The following RANBP2 variants were observed in gnomAD, a reference collection of about 807,000 sequenced individuals.
RANBP2 encodes the protein RAN binding protein 2, also known as E3 SUMO-protein ligase RanBP2.
RANBP2 carries 57 observed loss-of-function variants against 303.6 expected under a neutral mutation model. The observed-to-expected ratio is 0.19, with a 90% CI of 0.15 to 0.23. The LOEUF is 0.23. Among genes scored for constraint, RANBP2 ranks in the 10% least tolerant of loss-of-function variants. The pLI is 1.00. For synonymous variants in RANBP2, 1,167 were observed against 1,301.5 expected (o/e 0.90, Z 2.23); for missense variants, 3,138 against 3,780.8 (o/e 0.83, Z 4.46).
chr2:108,745,897 T>C (rs1371477341), intron 7 of RANBP2, among the ~76,000 whole-genome samples: 1 of 143,652 alleles, frequency 7.0e-6, no homozygotes, highest in African/African-American at 2.8e-5. Context: ...TTGCTCTGTG[T>C]ATGCTTTTTT....
chr2:109,022,113 G>C, the RANBP2 span, among the ~76,000 whole-genome samples: 1 of 152,234 alleles, frequency 6.6e-6, no homozygotes, highest in Admixed American at 6.5e-5. Context: ...TGTGGGTTCC[G>C]CACCTAGGGT....
chr2:108,853,970 A>ATATATAATATATAATATATAATAAATT, the RANBP2 span, among the ~76,000 whole-genome samples: 175 of 106,608 alleles, frequency 1.6e-3, 1 homozygote, highest in South Asian at 9.6e-3. Context: ...ATAATAAAAT[A>ATATATAATATATAATATATAATAAATT]TATATAATAT....
the RANBP2 span, among the ~76,000 whole-genome samples, chr2:109,586,885 G>C: frequency 1.3e-5 from 2 of 152,156 alleles, no homozygotes; most frequent in African/African-American, 4.8e-5. Context: ...TGATCAATGT[G>C]ATCAGTCAGC....
the RANBP2 span, among the ~76,000 whole-genome samples, chr2:109,595,787 T>C: frequency 6.6e-6 from 1 of 152,162 alleles, no homozygotes; most frequent in Non-Finnish European, 1.5e-5. Flanking sequence ...AAATGTCCAT[T>C]TAGAGTCTGA....
At chr2:109,116,798 G>A in the RANBP2 span, among the ~76,000 whole-genome samples, 1 of 152,216 alleles carries the variant, frequency 6.6e-6, no homozygotes, top group Non-Finnish European at 1.5e-5. Flanking sequence ...GTGATGTACA[G>A]ATGGGTTTTT....
chr2:108,970,445 C>T, the RANBP2 span, among the ~76,000 whole-genome samples: 4 of 152,116 alleles, frequency 2.6e-5, no homozygotes, highest in African/African-American at 7.2e-5. Context: ...TGAGGAGGAT[C>T]CTGACATTGC....
chr2:109,194,411 A>C, the RANBP2 span, among the ~76,000 whole-genome samples: 1 of 152,192 alleles, frequency 6.6e-6, no homozygotes, highest in Non-Finnish European at 1.5e-5. Context: ...AACCCCTGCC[A>C]TCCACAGTCT....
At chr2:109,593,490 C>T in the RANBP2 span, among the ~76,000 whole-genome samples, 1 of 148,840 alleles carries the variant, frequency 6.7e-6, no homozygotes. Flanking sequence ...ACTGCAACCT[C>T]CGTCTCCCAG....
chr2:108,729,045 C>T, intron 1 of RANBP2, 87 bp from the exon 2 acceptor site: 1 of 1,433,584 alleles, frequency 7.0e-7, no homozygotes, highest in South Asian at 1.2e-5. Context: ...ATTTGAACAT[C>T]AACTTAGGAC....
chr2:109,326,087 C>T, the RANBP2 span, among the ~76,000 whole-genome samples: 1 of 152,220 alleles, frequency 6.6e-6, no homozygotes, highest in Non-Finnish European at 1.5e-5. Flanking sequence ...ACATTTTCTC[C>T]ACCATGGTAA....
the RANBP2 span, chr2:109,503,807 G>A: frequency 6.6e-6 from 1 of 152,180 alleles, no homozygotes; most frequent in East Asian, 1.9e-4. Flanking sequence ...CCCAGGCATG[G>A]CCCACGTGGT....
At chr2:109,626,362 G>A in the RANBP2 span, among the ~76,000 whole-genome samples, 5 of 152,174 alleles carry the variant, frequency 3.3e-5, no homozygotes, top group South Asian at 1.0e-3. Context: ...CCAGCTACTC[G>A]GGAGGATGAG....
chr2:109,686,176 A>G, the RANBP2 span, among the ~76,000 whole-genome samples: 149,164 of 152,178 alleles, frequency 0.98, 73,185 homozygotes, highest in Middle Eastern at 1. Flanking sequence ...GCTGGGAGAA[A>G]GGTGGGGAGG....
chr2:109,034,937 G>C, the RANBP2 span, among the ~76,000 whole-genome samples: 1 of 152,120 alleles, frequency 6.6e-6, no homozygotes. Context: ...AAGTGAGGGG[G>C]CACATTTAAA....
At chr2:109,201,893 G>C in the RANBP2 span, among the ~76,000 whole-genome samples, 11 of 152,216 alleles carry the variant, frequency 7.2e-5, no homozygotes, top group Admixed American at 2.0e-4. Context: ...CTACCAATGA[G>C]TCTGACACAT....
chr2:108,908,673 A>G, the RANBP2 span, among the ~76,000 whole-genome samples: 35 of 152,212 alleles, frequency 2.3e-4, no homozygotes, highest in Non-Finnish European at 3.2e-4. Flanking sequence ...GGTCTGCCCT[A>G]GGCACATGTG....
At chr2:109,454,320 A>G in the RANBP2 span, among the ~76,000 whole-genome samples, 1 of 152,126 alleles carries the variant, frequency 6.6e-6, no homozygotes, top group Non-Finnish European at 1.5e-5. Context: ...CTGGGCATGG[A>G]CCCTTACCTG....
the RANBP2 span, among the ~76,000 whole-genome samples, chr2:109,022,337 C>G: frequency 6.6e-6 from 1 of 152,208 alleles, no homozygotes; most frequent in Non-Finnish European, 1.5e-5. Flanking sequence ...ATCTACCTTC[C>G]CCAGGGGGAG....
the RANBP2 span, among the ~76,000 whole-genome samples, chr2:109,049,657 T>C: frequency 6.6e-6 from 1 of 152,224 alleles, no homozygotes; most frequent in South Asian, 2.1e-4. Flanking sequence ...AAATTGCTTT[T>C]CACATTTATT....
Sources: allele counts gnomAD v4.1 joint callset (sites outside exome capture counted in the v4.1 genomes callset), GRCh38; gene constraint gnomAD v4.1.1; transcripts MANE v1.5; gene names NCBI Gene and HGNC (gene_info 2026-07-23, HGNC 2026-07-21).